POU2F2: variants seen among roughly 807,000 people sequenced by gnomAD.
The protein encoded by POU2F2 is POU class 2 homeobox 2.
Under a neutral mutation model 63.5 loss-of-function variants are expected in POU2F2, and 14 were observed. The ratio of observed to expected loss-of-function variants is 0.22; its 90% CI spans 0.15 to 0.34. POU2F2 has a LOEUF of 0.34. Ranked by LOEUF, POU2F2 falls within the 10% of genes least tolerant of loss-of-function variation. The pLI is 1.00. For missense variants in POU2F2, 607 were observed against 815.2 expected (o/e 0.74, Z 3.11); for synonymous variants, 306 against 348.6 (o/e 0.88, Z 1.36).
intron 7 of POU2F2, among the ~76,000 whole-genome samples, chr19:42,097,640 T>C (rs1396368600): frequency 6.6e-6 from 1 of 151,746 alleles, no homozygotes; most frequent in Non-Finnish European, 1.5e-5. Flanking sequence ...CGAAACCCTA[T>C]CTCTACAAAA....
chr19:42,139,758 T>C (rs933634424), intron 2 of POU2F2, among the ~76,000 whole-genome samples: 1 of 152,108 alleles, frequency 6.6e-6, no homozygotes, highest in Non-Finnish European at 1.5e-5. Flanking sequence ...TAACATTCTG[T>C]AGCTTGAAAG....
At chr19:42,193,438 A>G (rs1345155637) in intron 1 of POU2F2, among the ~76,000 whole-genome samples, 1 of 152,176 alleles carries the variant, frequency 6.6e-6, no homozygotes, top group Non-Finnish European at 1.5e-5. Context: ...TGACACAGAC[A>G]GAAGAGGAGA....
upstream of POU2F2, among the ~76,000 whole-genome samples, chr19:42,176,824 C>T (rs931400091): frequency 1.3e-5 from 2 of 151,672 alleles, no homozygotes; most frequent in African/African-American, 2.4e-5. Flanking sequence ...GGCTGACAGC[C>T]GGAGCGCGGT....
chr19:42,103,321 T>G lies in POU2F2; in HGVS notation c.370-3500A>C, dbSNP rs1013893601. ...CTGGAACGTCAGCTCCATGAGAGCA[T>G]GATCTTGACTGTTTCAGTCACTGCT... On this transcript the variant is annotated intron_variant, in intron 5 of 14. Transcript: ENST00000692977. Among the ~76,000 whole-genome samples the G allele has an allele frequency of 3.3e-5, 5 of 152,206 alleles. No individual in the cohort carries two copies. The East Asian group carries it at 5.8e-4, about 18-fold the overall frequency.
chr19:42,111,142 G>A (rs1428195512), intron 5 of POU2F2, among the ~76,000 whole-genome samples: 1 of 151,966 alleles, frequency 6.6e-6, no homozygotes, highest in Non-Finnish European at 1.5e-5. Context: ...TTTGGAGACA[G>A]GGTCTTACTC....
intron 1 of POU2F2, among the ~76,000 whole-genome samples, chr19:42,181,963 G>A (rs1010598851): frequency 6.6e-6 from 1 of 152,298 alleles, no homozygotes; most frequent in East Asian, 1.9e-4. Context: ...GTGTGTGCGT[G>A]TGTGTACATC....
chr19:42,145,139 T>A (rs1479305553), intron 2 of POU2F2, among the ~76,000 whole-genome samples: 1 of 152,250 alleles, frequency 6.6e-6, no homozygotes, highest in African/African-American at 2.4e-5. Flanking sequence ...TAAGATAGTA[T>A]GCATTTTGTT....
At chr19:42,112,257 T>A (rs565451704) in intron 5 of POU2F2, among the ~76,000 whole-genome samples, 1 of 152,134 alleles carries the variant, frequency 6.6e-6, no homozygotes, top group African/African-American at 2.4e-5. Context: ...ACAGAACCCA[T>A]CTCTTTCAGG....
chr19:42,099,490 G>GCTGGC, intron 7 of POU2F2, 37 bp downstream of exon 7: 1 of 1,537,450 alleles, frequency 6.5e-7, no homozygotes. Context: ...AGGCCTTGCT[G>GCTGGC]CTGGCCTGGC....
chr19:42,170,584 C>T (rs566461256), intron 1 of POU2F2, among the ~76,000 whole-genome samples: 2 of 152,278 alleles, frequency 1.3e-5, no homozygotes, highest in South Asian at 2.1e-4. Flanking sequence ...TACACATAGA[C>T]GCACAAGCAA....
chr19:42,195,194 G>T (rs2035127587), intron 1 of POU2F2, among the ~76,000 whole-genome samples: 1 of 151,626 alleles, frequency 6.6e-6, no homozygotes, highest in Non-Finnish European at 1.5e-5. Flanking sequence ...ATGAGAGCAT[G>T]ACAGAAAGGT....
At chr19:42,197,272 C>T (rs1414812993), upstream of POU2F2, among the ~76,000 whole-genome samples, 1 of 152,226 alleles carries the variant, frequency 6.6e-6, no homozygotes, top group Admixed American at 6.5e-5. Context: ...GTCCATTTCA[C>T]ATCAAACATG....
At chr19:42,146,802 G>C (rs1428736916) in intron 2 of POU2F2, among the ~76,000 whole-genome samples, 2 of 152,200 alleles carry the variant, frequency 1.3e-5, no homozygotes, top group Non-Finnish European at 2.9e-5. Flanking sequence ...GCCTCCTAGG[G>C]AAAAAGTAGC....
chr19:42,193,262 G>A (rs1365172445), intron 1 of POU2F2, among the ~76,000 whole-genome samples: 1 of 150,140 alleles, frequency 6.7e-6, no homozygotes, highest in Non-Finnish European at 1.5e-5. Context: ...TCCTGCGAAA[G>A]ATGTCCAGAC....
intron 5 of POU2F2, among the ~76,000 whole-genome samples, chr19:42,101,260 C>G (rs371268329): frequency 1.1e-4 from 17 of 152,080 alleles, no homozygotes; most frequent in South Asian, 4.2e-4. Context: ...TGTCTCCCCC[C>G]ACTCCCTGCC....
rs185300371 is a variant in POU2F2, at chr19:42,117,853, G to A, written c.187-421C>T. 1.3e-4 allele frequency among the ~76,000 whole-genome samples: 19 copies of A among 151,538 alleles called. No individual in the cohort carries two copies. The highest frequency in any genetic ancestry group is 2.4e-4 in the Non-Finnish European group (16 of 67,902). On this transcript the variant is annotated intron_variant, in intron 4 of 14. Transcript: ENST00000692977. This position sits in a 1 kb window ranked among gnomAD's most constrained non-coding sequence, Gnocchi z 4.4. ...GAAAATACTCCCACTGGGCACCTGG[G>A]AGGTCAAATAAGTGGCTTCTGGGTC... is the stretch of plus-strand genomic sequence containing the variant.
chr19:42,115,080 G>C (rs553303595), intron 5 of POU2F2, among the ~76,000 whole-genome samples: 1 of 152,204 alleles, frequency 6.6e-6, no homozygotes, highest in Admixed American at 6.5e-5. Context: ...AGCCCAAAGA[G>C]GTCGAGGCTG....
chr19:42,151,449 G>C (rs2034349596), intron 2 of POU2F2, among the ~76,000 whole-genome samples: 1 of 152,136 alleles, frequency 6.6e-6, no homozygotes, highest in Non-Finnish European at 1.5e-5. Flanking sequence ...CTGGGGAGTT[G>C]GGGGCTGGGG....
chr19:42,151,867 G>A (rs1327087876), intron 2 of POU2F2, among the ~76,000 whole-genome samples: 1 of 152,206 alleles, frequency 6.6e-6, no homozygotes, highest in Non-Finnish European at 1.5e-5. Flanking sequence ...GGCAGGGGAG[G>A]AAGCCAGAAG....
Sources: gnomAD v4.1 joint callset for allele counts (sites outside exome capture counted in the v4.1 genomes callset) on GRCh38, gnomAD v4.1.1 for gene constraint, Gnocchi (gnomAD v3.1) non-coding constraint, MANE v1.5 for transcripts, NCBI Gene and HGNC (gene_info 2026-07-23, HGNC 2026-07-21) for gene names.